The following WDR27 variants were observed in gnomAD, a reference collection of about 807,000 sequenced individuals.
The protein encoded by WDR27 is WD repeat-containing protein 27.
In WDR27, 100 loss-of-function variants were observed where a neutral mutation model predicts 114.4. The ratio of observed to expected loss-of-function variants is 0.87; its 90% CI spans 0.74 to 1.03. The LOEUF is 1.03. Ranked by LOEUF, WDR27 falls within the 50% of genes least tolerant of loss-of-function variation. The pLI, the probability that WDR27 is intolerant of heterozygous loss-of-function variation, is 0.00. For synonymous variants in WDR27, 449 were observed against 423.1 expected (o/e 1.06, Z -0.75); for missense variants, 1,129 against 1,092.9 (o/e 1.03, Z -0.47).
the WDR27 span, among the ~76,000 whole-genome samples, chr6:169,427,557 C>T: frequency 5.8e-4 from 89 of 152,146 alleles, no homozygotes; most frequent in Non-Finnish European, 1.1e-3. Flanking sequence ...GTGCAGAGGA[C>T]TTGGGTGAAC....
intron 25 of WDR27, among the ~76,000 whole-genome samples, chr6:169,465,251 T>A (rs1583586907): frequency 4.5e-5 from 3 of 66,676 alleles, no homozygotes; most frequent in East Asian, 5.7e-4. Context: ...AGAGCAAAAC[T>A]CCATCTCAAA....
At chr6:169,530,620 T>C (rs1795469449) in intron 25 of WDR27, among the ~76,000 whole-genome samples, 2 of 152,186 alleles carry the variant, frequency 1.3e-5, no homozygotes, top group South Asian at 4.1e-4. Context: ...CCACGTTACA[T>C]AGGAGACTGC....
the WDR27 span, among the ~76,000 whole-genome samples, chr6:169,429,227 C>A: frequency 5.3e-5 from 8 of 152,120 alleles, no homozygotes; most frequent in African/African-American, 1.7e-4. Flanking sequence ...GACCCAGGGG[C>A]ACTTTTACAC....
intron 23 of WDR27, among the ~76,000 whole-genome samples, chr6:169,586,109 C>G (rs766691005): frequency 6.6e-6 from 1 of 152,216 alleles, no homozygotes; most frequent in Non-Finnish European, 1.5e-5. Context: ...TTCTTCCTCA[C>G]TGTCTGGCAT....
rs777906888 is a variant in WDR27, at chr6:169,662,335, G to C, written c.994C>G (p.Leu332Val). ...FPVLRLAPCD[L>V]SLIPNSACGC... ...CATGCAGAATTTGGGATGAGTGAGA[G>C]ATCACAGGGTGCAAGTCTCAGTACA... is the stretch of plus-strand genomic sequence containing the variant. Residue 332 changes from leucine (L) to valine (V), a missense_variant, in exon 9 of 26, where the codon CTC becomes GTC. Physicochemically the swap from Leu to Val is conservative, Grantham distance 32. Coordinates refer to ENST00000448612, the MANE Select transcript of WDR27 (RefSeq NM_182552.5). 5 of 1,613,958 alleles carry C rather than the reference G, an allele frequency of 3.1e-6. No individual in the cohort carries two copies. Among genetic ancestry groups the C allele is most frequent in the Non-Finnish European group, 3.4e-6 (4 of 1,179,826 alleles).
chr6:169,558,270 G>C (rs1451268715), intron 25 of WDR27: 4 of 152,080 alleles, frequency 2.6e-5, no homozygotes, highest in Non-Finnish European at 5.9e-5. Context: ...TATTCTAACA[G>C]ATCAGTTGAT....
At chr6:169,481,875 T>C (rs1410716315) in intron 25 of WDR27, among the ~76,000 whole-genome samples, 1 of 152,214 alleles carries the variant, frequency 6.6e-6, no homozygotes, top group Non-Finnish European at 1.5e-5. Context: ...TTAAAAACTG[T>C]AACACTCACT....
chr6:169,684,678 A>G lies in WDR27; in HGVS notation c.189+4139T>C, dbSNP rs1782447427. 6.6e-6 allele frequency among the ~76,000 whole-genome samples: 1 copy of G among 152,142 alleles called. No individual in the cohort carries two copies. The highest frequency in any genetic ancestry group is 2.4e-5 in the African/African-American group (1 of 41,424). ...CAGTCCTGTGGGTTTCCCCCAGCAG[A>G]TATGCTCTCAGACAAATCCAGCAGC... On this transcript the variant is annotated intron_variant, in intron 2 of 25. Transcript: ENST00000448612. The surrounding 1 kb of genome is among the most constrained non-coding windows in gnomAD (Gnocchi z 4.3).
At chr6:169,670,458 A>G in intron 4 of WDR27, 111 bp downstream of exon 4, 1 of 1,063,094 alleles carries the variant, frequency 9.4e-7, no homozygotes, top group East Asian at 2.8e-5. Flanking sequence ...GATATAGCTT[A>G]AAAAAAAAGG....
chr6:169,636,320 G>C, intron 19 of WDR27, 51 bp downstream of exon 19: 1 of 1,591,568 alleles, frequency 6.3e-7, no homozygotes, highest in South Asian at 1.2e-5. Context: ...TCACATTATT[G>C]AAACAGCTTC....
In WDR27 at chr6:169,536,967, C is replaced by T. The variant is rs530721740; in HGVS notation, c.2645+35452G>A. 6.6e-5 allele frequency among the ~76,000 whole-genome samples: 10 copies of T among 152,288 alleles called. No homozygotes were observed. The South Asian group carries it at 1.9e-3, about 28-fold the overall frequency. On this transcript the variant is annotated intron_variant, in intron 25 of 25. Coordinates refer to ENST00000448612, the MANE Select transcript of WDR27 (RefSeq NM_182552.5). ...GAGCCATGACTCATGGATCCATAGA[C>T]CACAAATTTATTTACCATGCAATCC...
the WDR27 span, among the ~76,000 whole-genome samples, chr6:169,440,552 T>C: frequency 6.6e-6 from 1 of 152,150 alleles, no homozygotes; most frequent in Non-Finnish European, 1.5e-5. Context: ...AAACCAAGAC[T>C]CCATGTTCTA....
At chr6:169,694,330 A>G (rs1585216010) in intron 1 of WDR27, among the ~76,000 whole-genome samples, 1 of 152,166 alleles carries the variant, frequency 6.6e-6, no homozygotes, top group Non-Finnish European at 1.5e-5. Context: ...AAATAAATAA[A>G]TAAGTCATCA....
intron 2 of WDR27, among the ~76,000 whole-genome samples, chr6:169,686,814 A>C (rs920014729): frequency 2.0e-5 from 3 of 152,222 alleles, no homozygotes; most frequent in Non-Finnish European, 4.4e-5. Flanking sequence ...TGCCATAAAA[A>C]AGACTGAAAT....
At chr6:169,502,651 T>C (rs772518309) in intron 25 of WDR27, among the ~76,000 whole-genome samples, 6 of 152,096 alleles carry the variant, frequency 3.9e-5, no homozygotes, top group Non-Finnish European at 5.9e-5. Flanking sequence ...AAGCGTCTCG[T>C]CTCACTCCCC....
At chr6:169,479,201 C>A (rs530060667) in intron 25 of WDR27, among the ~76,000 whole-genome samples, 1 of 152,238 alleles carries the variant, frequency 6.6e-6, no homozygotes, top group East Asian at 1.9e-4. Context: ...GAAGCAAAAA[C>A]AACCTCATTG....
chr6:169,503,601 G>A, intron 25 of WDR27, among the ~76,000 whole-genome samples: 1 of 152,116 alleles, frequency 6.6e-6, no homozygotes, highest in East Asian at 1.9e-4. Flanking sequence ...GAAGATGAGA[G>A]AGTTTGACAA....
intron 25 of WDR27, among the ~76,000 whole-genome samples, chr6:169,541,626 A>G (rs1325583780): frequency 6.6e-6 from 1 of 152,204 alleles, no homozygotes; most frequent in Non-Finnish European, 1.5e-5. Context: ...AATAGAAGAA[A>G]AGCTTGGTCT....
At chr6:169,700,152 C>T (rs1384839730) in intron 1 of WDR27, among the ~76,000 whole-genome samples, 1 of 152,190 alleles carries the variant, frequency 6.6e-6, no homozygotes, top group Non-Finnish European at 1.5e-5. Flanking sequence ...AAACCATGGT[C>T]ATATTTAACC....
Sources: allele counts gnomAD v4.1 joint callset (sites outside exome capture counted in the v4.1 genomes callset), GRCh38; gene constraint gnomAD v4.1.1; non-coding constraint Gnocchi (gnomAD v3.1); transcripts MANE v1.5; gene names NCBI Gene and HGNC (gene_info 2026-07-23, HGNC 2026-07-21).